Variants in HPSE2 observed in about 807,000 individuals in gnomAD.
HPSE2 encodes the protein heparanase 2 (inactive), also known as inactive heparanase-2.
A neutral mutation model predicts 60.5 loss-of-function variants in HPSE2; 38 were observed. The ratio of observed to expected loss-of-function variants is 0.63; its 90% CI spans 0.48 to 0.82. The LOEUF is 0.82. Among genes scored for constraint, HPSE2 ranks in the 40% least tolerant of loss-of-function variants. The pLI, the probability that HPSE2 is intolerant of heterozygous loss-of-function variation, is 0.00. For missense variants in HPSE2, 713 were observed against 740.4 expected (o/e 0.96, Z 0.43); for synonymous variants, 295 against 293.2 (o/e 1.01, Z -0.06).
chr10:98,989,062 T>C (rs1564716877), intron 3 of HPSE2, among the ~76,000 whole-genome samples: 1 of 151,774 alleles, frequency 6.6e-6, no homozygotes, highest in Non-Finnish European at 1.5e-5. Context: ...TGTCAACTAG[T>C]TCAACCATTG....
intron 3 of HPSE2, among the ~76,000 whole-genome samples, chr10:99,071,851 C>A (rs1158864121): frequency 1.3e-5 from 2 of 152,140 alleles, no homozygotes; most frequent in Non-Finnish European, 2.9e-5. Context: ...ATTCTTGGCA[C>A]AGTTGTTGAA....
rs138827531 is a variant in HPSE2, at chr10:98,743,954, C to T, written c.713G>A (p.Ser238Asn). The T allele has an allele frequency of 3.3e-5, 54 of 1,613,982 alleles. No individual in the cohort carries two copies. The highest frequency in any genetic ancestry group is 4.5e-5 in the Non-Finnish European group (53 of 1,179,970). ...LRRNPNNSWN[S>N]SSALSLLKYS... is the part of the protein sequence containing the mutation. ...CTTCAACAGACTCAGGGCACTAGAA[C>T]TGTTCCAGGAGTTATTGGGATTACG... The change falls in exon 4 of 12, where the codon AGT becomes AAT. Residue 238 changes from serine to asparagine, a missense_variant. By Grantham distance (46) the Ser-to-Asn change is conservative. Transcript: ENST00000370552.
intron 6 of HPSE2, among the ~76,000 whole-genome samples, chr10:98,646,800 T>G (rs968525203): frequency 2.0e-5 from 3 of 152,232 alleles, no homozygotes; most frequent in Non-Finnish European, 2.9e-5. Flanking sequence ...AAGAACTAAA[T>G]GCTCATTGTA....
chr10:98,501,950 T>C (rs1468813132), intron 9 of HPSE2, among the ~76,000 whole-genome samples: 3 of 149,792 alleles, frequency 2.0e-5, no homozygotes, highest in African/African-American at 7.4e-5. Context: ...TTTTACAATA[T>C]CTGCAAAAAA....
chr10:99,258,101 A>C, the HPSE2 span, among the ~76,000 whole-genome samples: 290 of 152,104 alleles, frequency 1.9e-3, 1 homozygote, highest in Non-Finnish European at 3.4e-3. Context: ...AGATCATGCC[A>C]CTGCACTCCA....
chr10:99,221,186 G>T (rs1378301716), intron 2 of HPSE2, among the ~76,000 whole-genome samples: 2 of 151,874 alleles, frequency 1.3e-5, no homozygotes, highest in Non-Finnish European at 2.9e-5. Flanking sequence ...TTTAATGAGA[G>T]TATTCATGTG....
chr10:98,610,695 C>T (rs770264534), intron 9 of HPSE2, among the ~76,000 whole-genome samples: 1 of 152,140 alleles, frequency 6.6e-6, no homozygotes, highest in Non-Finnish European at 1.5e-5. Flanking sequence ...AAATAGAGGA[C>T]TAAATTGTAG....
At chr10:98,816,579 G>C (rs888106435) in intron 3 of HPSE2, among the ~76,000 whole-genome samples, 1 of 152,146 alleles carries the variant, frequency 6.6e-6, no homozygotes, top group East Asian at 1.9e-4. Context: ...GGAATGTTTC[G>C]ATAGACTTGG....
chr10:99,284,845 T>TA, the HPSE2 span, among the ~76,000 whole-genome samples: 2 of 152,062 alleles, frequency 1.3e-5, no homozygotes, highest in South Asian at 2.1e-4. Context: ...ATAGACTGGA[T>TA]AAAGAAAATG....
upstream of HPSE2, chr10:99,235,974 G>T (rs1211471620): frequency 2.3e-6 from 1 of 439,200 alleles, no homozygotes; most frequent in South Asian, 5.1e-5. Context: ...TCTCTCGCTC[G>T]CTCGCTCGCT....
At chr10:98,991,004 T>C (rs1564718867) in intron 3 of HPSE2, among the ~76,000 whole-genome samples, 1 of 152,200 alleles carries the variant, frequency 6.6e-6, no homozygotes, top group Admixed American at 6.5e-5. Context: ...GTCTCTATAA[T>C]TGATCATGCA....
intron 9 of HPSE2, among the ~76,000 whole-genome samples, chr10:98,600,272 G>A (rs1267775801): frequency 6.6e-6 from 1 of 152,060 alleles, no homozygotes; most frequent in Non-Finnish European, 1.5e-5. Context: ...ATGCATAAAA[G>A]GATACAGATA....
At chr10:98,939,266 T>C (rs1268565985) in intron 3 of HPSE2, among the ~76,000 whole-genome samples, 3 of 143,580 alleles carry the variant, frequency 2.1e-5, no homozygotes, top group Non-Finnish European at 1.5e-5. Context: ...GATTAAATGC[T>C]CCAATTAAAA....
chr10:99,088,618 G>A (rs527438190), intron 3 of HPSE2, among the ~76,000 whole-genome samples: 1 of 152,228 alleles, frequency 6.6e-6, no homozygotes, highest in Non-Finnish European at 1.5e-5. Flanking sequence ...TGGGCATTTG[G>A]GCGGGTTCCA....
chr10:98,679,802 T>C (rs1005287253), intron 6 of HPSE2, among the ~76,000 whole-genome samples: 2 of 152,192 alleles, frequency 1.3e-5, no homozygotes, highest in African/African-American at 4.8e-5. Context: ...AGAGGTCCTC[T>C]TGCCTCAGTG....
chr10:98,663,482 A>G (rs887818251), intron 6 of HPSE2, among the ~76,000 whole-genome samples: 5 of 152,076 alleles, frequency 3.3e-5, no homozygotes, highest in African/African-American at 1.2e-4. Flanking sequence ...GTAAATAGTG[A>G]CTCTTCAAGT....
intron 6 of HPSE2, among the ~76,000 whole-genome samples, chr10:98,673,386 T>A (rs924161339): frequency 1.1e-4 from 17 of 152,322 alleles, no homozygotes; most frequent in African/African-American, 4.1e-4. Context: ...AAAAAAGACA[T>A]TCCCTGTCTC....
At position 98,744,025 on chromosome 10, in the gene HPSE2, A is replaced by T. The variant is rs2134328916; in HGVS notation, c.642T>A (p.Ala214=). 1 of 1,614,168 alleles carries T rather than the reference A, an allele frequency of 6.2e-7. No individual in the cohort carries two copies. The highest frequency in any genetic ancestry group is 1.3e-5 in the African/African-American group (1 of 75,064). ...ATATCAGGTGGAGTCCAGAGCAATCAGCAAAGTTATAAAGTTTGTCTAGAG... is the reference window on the plus strand; with the variant it reads ...ATATCAGGTGGAGTCCAGAGCAATCTGCAAAGTTATAAAGTTTGTCTAGAG... The part of the protein sequence containing the change: ...ARSLDKLYNF[A]DCSGLHLIFA... The change falls in exon 4 of 12, where the codon GCT becomes GCA. Residue 214 remains alanine (A), a synonymous_variant. Transcript: ENST00000370552.
chr10:98,751,022 C>A (rs1269332472), intron 3 of HPSE2, among the ~76,000 whole-genome samples: 1 of 151,980 alleles, frequency 6.6e-6, no homozygotes, highest in Non-Finnish European at 1.5e-5. Flanking sequence ...AGTTTCCATC[C>A]CAGCTCTTCC....
Sources: gnomAD v4.1 joint callset for allele counts (sites outside exome capture counted in the v4.1 genomes callset) on GRCh38, gnomAD v4.1.1 for gene constraint, MANE v1.5 for transcripts, NCBI Gene and HGNC (gene_info 2026-07-23, HGNC 2026-07-21) for gene names.